Variants in PPP2R2C observed in about 807,000 individuals in gnomAD.
PPP2R2C encodes the protein protein phosphatase 2, regulatory subunit B, gamma.
A neutral mutation model predicts 45.3 loss-of-function variants in PPP2R2C; 10 were observed. The observed-to-expected ratio is 0.22, with a 90% CI of 0.14 to 0.37. PPP2R2C has a LOEUF of 0.37. Ranked by LOEUF, PPP2R2C falls within the 10% of genes least tolerant of loss-of-function variation. PPP2R2C has a pLI of 1.00. For missense variants in PPP2R2C, 308 were observed against 619.7 expected (o/e 0.50, Z 5.34); for synonymous variants, 257 against 245.4 (o/e 1.05, Z -0.44).
Position 6,378,630 on chromosome 4 carries a change from G to C in PPP2R2C, c.169-58C>G, listed in dbSNP as rs1471008680. 1.3e-5 allele frequency: 20 copies of C among 1,545,256 alleles called. No individual in the cohort carries two copies. The highest frequency in any genetic ancestry group is 1.8e-5 in the Non-Finnish European group (20 of 1,141,050). On this transcript the variant is annotated intron_variant, in intron 2 of 8. Coordinates refer to ENST00000382599, the MANE Select transcript of PPP2R2C (RefSeq NM_020416.4). This position sits in a 1 kb window ranked among gnomAD's most constrained non-coding sequence, Gnocchi z 5.2. Reference sequence around the variant, plus strand: ...CCGTGACCTGCAGGGCGACGGCTAGGACCTCCGGGGACCCAGCAGGGCCGG... The same window carrying C: ...CCGTGACCTGCAGGGCGACGGCTAGCACCTCCGGGGACCCAGCAGGGCCGG...
intron 1 of PPP2R2C, among the ~76,000 whole-genome samples, chr4:6,395,621 C>A (rs1716970614): frequency 1.3e-5 from 2 of 152,214 alleles, no homozygotes; most frequent in African/African-American, 4.8e-5. Flanking sequence ...GCAGGTCCAG[C>A]CTCTGTTGGT....
rs540544116 is a variant in PPP2R2C at position 6,373,740 on chromosome 4, G to A, written c.448-1040C>T. ...GTGACAAGCACTGAGCTCCTTTGGA[G>A]CAGAGGCAGCTCTGCAGCCCACGTT... On this transcript the variant is annotated intron_variant, in intron 4 of 8. Transcript: ENST00000382599. Among the ~76,000 whole-genome samples the A allele has an allele frequency of 3.6e-3, 542 of 152,362 alleles. 1 individual carries two copies. The highest frequency in any genetic ancestry group is 5.6e-3 in the Admixed American group (85 of 15,308).
chr4:6,452,211 C>G (rs779119748), intron 1 of PPP2R2C, among the ~76,000 whole-genome samples: 4 of 152,144 alleles, frequency 2.6e-5, no homozygotes, highest in Non-Finnish European at 5.9e-5. Context: ...ACTGCCACCT[C>G]CTGCTAGCCT....
chr4:6,420,729 AG>A (rs1156899116), intron 1 of PPP2R2C, among the ~76,000 whole-genome samples: 1 of 152,184 alleles, frequency 6.6e-6, no homozygotes, highest in East Asian at 1.9e-4. Context: ...GCTGATGCCC[AG>A]TAAGAGGACT....
chr4:6,542,861 G>A (rs957035067), intron 1 of PPP2R2C, among the ~76,000 whole-genome samples: 4 of 152,170 alleles, frequency 2.6e-5, no homozygotes, highest in African/African-American at 9.7e-5. Context: ...AAGTGAAAAA[G>A]CCACAACCTT....
chr4:6,356,869 G>A (rs1051919995), intron 5 of PPP2R2C, among the ~76,000 whole-genome samples: 5 of 152,152 alleles, frequency 3.3e-5, no homozygotes, highest in African/African-American at 1.2e-4. Context: ...CCACCGGCAT[G>A]AGACAGGGAC....
At position 6,326,280 on chromosome 4, in the gene PPP2R2C, G is replaced by A. The variant is rs188177079; in HGVS notation, c.1053-2687C>T. Reference sequence around the variant, plus strand: ...GAAGAAGCAGGGAGGAGCGGAGATGGGGAAGCATGGAGAGAAGAAAACGGC... The same window carrying A: ...GAAGAAGCAGGGAGGAGCGGAGATGAGGAAGCATGGAGAGAAGAAAACGGC... On this transcript the variant is annotated intron_variant, in intron 8 of 8. Transcript: ENST00000382599. 3.3e-3 allele frequency among the ~76,000 whole-genome samples: 495 copies of A among 152,258 alleles called. 3 individuals are homozygous for A. The highest frequency in any genetic ancestry group is 0.011 in the African/African-American group (473 of 41,550).
chr4:6,350,392 C>T (rs762037068), intron 5 of PPP2R2C: 34 of 985,312 alleles, frequency 3.5e-5, no homozygotes, highest in Middle Eastern at 5.2e-4. Context: ...ATTAGTGCGA[C>T]GGCCCATGGA....
intron 1 of PPP2R2C, among the ~76,000 whole-genome samples, chr4:6,447,349 C>G (rs1720480135): frequency 6.6e-6 from 1 of 152,174 alleles, no homozygotes; most frequent in Non-Finnish European, 1.5e-5. Flanking sequence ...CTCCCACCCT[C>G]CCGTTTCCAT....
At chr4:6,358,814 A>G (rs1713467728) in intron 5 of PPP2R2C, among the ~76,000 whole-genome samples, 1 of 152,260 alleles carries the variant, frequency 6.6e-6, no homozygotes, top group Non-Finnish European at 1.5e-5. Context: ...CAAACCAGCT[A>G]CAATGGCGAT....
At chr4:6,407,991 G>C (rs970220852) in intron 1 of PPP2R2C, among the ~76,000 whole-genome samples, 1 of 152,160 alleles carries the variant, frequency 6.6e-6, no homozygotes, top group African/African-American at 2.4e-5. Flanking sequence ...AATTACTTTA[G>C]ATTGATTACA....
rs1713331488 is a variant in PPP2R2C at position 6,357,665 on chromosome 4, G to A, written c.626-9655C>T. 2.0e-5 allele frequency among the ~76,000 whole-genome samples: 3 copies of A among 152,284 alleles called. No homozygotes were observed. The South Asian group carries it at 6.2e-4, about 32-fold the overall frequency. ...TGTCAGATGGAGCAAGTGCAGCCCT[G>A]GAGGGACAGGTGGGCCTATCCCGGT... is the stretch of plus-strand genomic sequence containing the variant. On this transcript the variant is annotated intron_variant, in intron 5 of 8. Transcript: ENST00000382599.
At chr4:6,435,946 A>T (rs1719872367) in intron 1 of PPP2R2C, among the ~76,000 whole-genome samples, 1 of 152,186 alleles carries the variant, frequency 6.6e-6, no homozygotes, top group Admixed American at 6.5e-5. Context: ...TAGAAATCTT[A>T]GCCCCCAATG....
chr4:6,470,308 G>A (rs1345025027), intron 1 of PPP2R2C, among the ~76,000 whole-genome samples: 1 of 152,200 alleles, frequency 6.6e-6, no homozygotes, highest in Admixed American at 6.5e-5. Context: ...GTGTCTGGAT[G>A]AAGGATTGGA....
chr4:6,540,502 T>C (rs1724773724), intron 1 of PPP2R2C, among the ~76,000 whole-genome samples: 1 of 152,266 alleles, frequency 6.6e-6, no homozygotes, highest in Admixed American at 6.5e-5. Flanking sequence ...TTGTTTTCAT[T>C]TTTGGCTACT....
intron 1 of PPP2R2C, among the ~76,000 whole-genome samples, chr4:6,441,288 C>G (rs1305404985): frequency 6.6e-6 from 1 of 152,174 alleles, no homozygotes; most frequent in South Asian, 2.1e-4. Context: ...TCCCTTCAAG[C>G]CCCTCCACAC....
intron 5 of PPP2R2C, chr4:6,350,337 T>G: frequency 1.0e-6 from 1 of 985,402 alleles, no homozygotes; most frequent in Non-Finnish European, 1.2e-6. Flanking sequence ...TTCACTAAAG[T>G]GGGATCCAGA....
chr4:6,489,671 G>A (rs575317837), intron 2 of PPP2R2C, among the ~76,000 whole-genome samples: 22 of 152,224 alleles, frequency 1.4e-4, no homozygotes, highest in Non-Finnish European at 3.1e-4. Flanking sequence ...TATACCTAGC[G>A]CCTGGCACAT....
rs369936872 is a variant in PPP2R2C, at chr4:6,488,378, C to T, written c.49+46893G>A. Among the ~76,000 whole-genome samples, 38 of 152,276 alleles carry T rather than the reference C, an allele frequency of 2.5e-4. 1 individual carries two copies. Among genetic ancestry groups the T allele is most frequent in the African/African-American group, 8.4e-4 (35 of 41,542 alleles). On this transcript the variant is annotated intron_variant, in intron 2 of 9. Transcript: ENST00000506140. ...GAGCCTTGTTCTGAGATGTAGTCAA[C>T]ACATTTATAAACAGTTTGATCCTGG...
Sources: allele counts gnomAD v4.1 joint callset (sites outside exome capture counted in the v4.1 genomes callset), GRCh38; gene constraint gnomAD v4.1.1; non-coding constraint Gnocchi (gnomAD v3.1); transcripts MANE v1.5; gene names NCBI Gene and HGNC (gene_info 2026-07-23, HGNC 2026-07-21).